Variants in ATP8B2 observed in about 807,000 individuals in gnomAD.
ATP8B2 encodes phospholipid-transporting ATPase ID.
ATP8B2 carries 70 observed loss-of-function variants against 133.4 expected under a neutral mutation model. That is an observed-to-expected ratio of 0.52 (90% CI 0.43 to 0.64). ATP8B2 has a LOEUF of 0.64. Among genes scored for constraint, ATP8B2 ranks in the 30% least tolerant of loss-of-function variants. ATP8B2 has a pLI of 0.00. For synonymous variants in ATP8B2, 517 were observed against 589.5 expected (o/e 0.88, Z 1.78); for missense variants, 1,101 against 1,535.7 (o/e 0.72, Z 4.73).
Position 154,340,916 on chromosome 1 carries a change from T to A in ATP8B2, c.1097T>A (p.Met366Lys), listed in dbSNP as rs1478443610. Residue 366 changes from methionine to lysine, a missense_variant, in exon 13 of 28, where the codon ATG becomes AAG. Transcript: ENST00000368489. The surrounding 1 kb of genome is among the most constrained non-coding windows in gnomAD (Gnocchi z 4.0). ...FINWDKKMFC[M>K]KKRTPAEART... ...AACTGGGATAAGAAGATGTTCTGCATGAAGAAGCGGACGCCTGCAGAAGCC... is the reference window on the plus strand; with the variant it reads ...AACTGGGATAAGAAGATGTTCTGCAAGAAGAAGCGGACGCCTGCAGAAGCC... The A allele has an allele frequency of 6.2e-7, 1 of 1,614,068 alleles. No individual in the cohort carries two copies. Among genetic ancestry groups the A allele is most frequent in the Admixed American group, 1.7e-5 (1 of 60,012 alleles).
chr1:154,333,108 G>A (rs753774855), intron 9 of ATP8B2, among the ~76,000 whole-genome samples: 1 of 152,112 alleles, frequency 6.6e-6, no homozygotes, highest in Non-Finnish European at 1.5e-5. Context: ...CCAGGAGTTC[G>A]AGACCAGTCT....
intron 14 of ATP8B2, 62 bp from the exon 15 acceptor site, chr1:154,342,734 C>T (rs1686428836): frequency 6.3e-7 from 1 of 1,576,382 alleles, no homozygotes; most frequent in Non-Finnish European, 8.7e-7. Context: ...CAGGGATGAA[C>T]CCTTCCCCGG....
At position 154,334,307 on chromosome 1, in the gene ATP8B2, T is replaced by G. The variant is rs1432344609; in HGVS notation, c.748+42T>G. On this transcript the variant is annotated intron_variant, in intron 10 of 27. Transcript: ENST00000368489. The surrounding 1 kb of genome is among the most constrained non-coding windows in gnomAD (Gnocchi z 4.6). Reference sequence around the variant, plus strand: ...CCAAAGAAAGAAGGGTAAGAGTGACTCAGCCAGCCCTCACTCAGGAGTATG... The same window carrying G: ...CCAAAGAAAGAAGGGTAAGAGTGACGCAGCCAGCCCTCACTCAGGAGTATG... 6.2e-7 allele frequency: 1 copy of G among 1,606,364 alleles called. No homozygotes were observed. Among genetic ancestry groups the G allele is most frequent in the Non-Finnish European group, 8.5e-7 (1 of 1,173,874 alleles).
At position 154,351,233 on chromosome 1, in the gene ATP8B2, T is replaced by C. The variant is rs1024236207; in HGVS notation, c.*2115T>C. 1 of 152,458 alleles carries C rather than the reference T, an allele frequency of 6.6e-6. No individual in the cohort carries two copies. The highest frequency in any genetic ancestry group is 2.4e-5 in the African/African-American group (1 of 41,410). The allele number at this position is 152,458 out of a possible 1,614,324, so 9.4% of individuals were successfully genotyped here. On this transcript the variant is annotated 3_prime_UTR_variant, in exon 28 of 28. Coordinates refer to ENST00000368489, the MANE Select transcript of ATP8B2 (RefSeq NM_001370597.1). Reference sequence around the variant, plus strand: ...AACATTATAATTTATGACACATTTCTATACTTGCAAAAATTATATCATTTT... The same window carrying C: ...AACATTATAATTTATGACACATTTCCATACTTGCAAAAATTATATCATTTT...
At chr1:154,347,938 CA>C (rs35998355) in intron 26 of ATP8B2, among the ~76,000 whole-genome samples, 63,807 of 101,316 alleles carry the variant, frequency 0.63, 17,214 homozygotes, top group East Asian at 0.7. Context: ...AACTCTGTCT[CA>C]AAAAAAAAAA....
chr1:154,328,033 A>G lies in ATP8B2; in HGVS notation c.-37-72A>G, dbSNP rs1570843337. 8 of 1,551,244 alleles carry G rather than the reference A, an allele frequency of 5.2e-6. No homozygotes were observed. In the East Asian group the frequency reaches 6.7e-5, roughly 13 times the overall value. ...TCAGAGCTGGAGAAGAGGGTCTTCA[A>G]AAGAGGTCTCATGAGGGGAGGGAAG... On this transcript the variant is annotated intron_variant, in intron 1 of 27. Transcript: ENST00000368489. The surrounding 1 kb of genome is among the most constrained non-coding windows in gnomAD (Gnocchi z 4.6).
Position 154,344,160 on chromosome 1 carries a change from C to T in ATP8B2, c.1941C>T (p.Ala647=). The T allele has an allele frequency of 6.2e-7, 1 of 1,614,210 alleles. No individual in the cohort carries two copies. The highest frequency in any genetic ancestry group is 1.7e-5 in the Admixed American group (1 of 60,026). Residue 647 remains alanine (A), a synonymous_variant, in exon 19 of 28, where the codon GCC becomes GCT. Transcript: ENST00000368489. The surrounding 1 kb of genome is among the most constrained non-coding windows in gnomAD (Gnocchi z 4.1). The part of the protein sequence containing the change: ...ENNMMLLGAT[A]IEDKLQQGVP... Reference sequence around the variant, plus strand: ...ATTTTCAGCTGCTGGGTGCAACGGCCATTGAGGACAAACTTCAGCAAGGGG... The same window carrying T: ...ATTTTCAGCTGCTGGGTGCAACGGCTATTGAGGACAAACTTCAGCAAGGGG...
In ATP8B2 at chr1:154,346,354, A is replaced by T. The variant is rs1686584010; in HGVS notation, c.2902A>T (p.Met968Leu). Reference protein sequence around the residue: ...IAQGIYTSVLMFFIPYGVFAD... With the variant: ...IAQGIYTSVLLFFIPYGVFAD... ...CCAGGGCATCTACACCTCCGTGCTC[A>T]TGTTCTTCATTCCCTATGGGGTGTT... The change falls in exon 25 of 28, where the codon ATG becomes TTG. Residue 968 changes from methionine to leucine, a missense_variant. Transcript: ENST00000368489. The surrounding 1 kb of genome is among the most constrained non-coding windows in gnomAD (Gnocchi z 4.5). The T allele has an allele frequency of 6.2e-7, 1 of 1,614,026 alleles. No homozygotes were observed. Among genetic ancestry groups the T allele is most frequent in the Non-Finnish European group, 8.5e-7 (1 of 1,180,038 alleles).
rs1686742505 is a variant in ATP8B2, at chr1:154,350,297, C to T, written c.*1179C>T. 6.6e-6 allele frequency: 1 copy of T among 152,150 alleles called. No individual in the cohort carries two copies. Among genetic ancestry groups the T allele is most frequent in the Non-Finnish European group, 1.5e-5 (1 of 68,054 alleles). The allele number at this position is 152,150 out of a possible 1,614,324, so 9.4% of individuals were successfully genotyped here. On this transcript the variant is annotated 3_prime_UTR_variant, in exon 28 of 28. Transcript: ENST00000368489. ...TGTTGGCCAGGCTAGTCTTGAATTC[C>T]TGACCTCCTGACCTGCCCACCTCAA... is the stretch of plus-strand genomic sequence containing the variant.
In ATP8B2 at chr1:154,331,519, G is replaced by C. The variant is rs1456481795; in HGVS notation, c.365+14G>C. 1 of 1,614,018 alleles carries C rather than the reference G, an allele frequency of 6.2e-7. No individual in the cohort carries two copies. The highest frequency in any genetic ancestry group is 8.5e-7 in the Non-Finnish European group (1 of 1,179,900). Reference sequence around the variant, plus strand: ...GATCAATGGAATGTGAGTGCCTGTTGGAGACAAGAGCTCTGGGGACGAAGG... The same window carrying C: ...GATCAATGGAATGTGAGTGCCTGTTCGAGACAAGAGCTCTGGGGACGAAGG... On this transcript the variant is annotated intron_variant, in intron 6 of 27. Transcript: ENST00000368489. The surrounding 1 kb of genome is among the most constrained non-coding windows in gnomAD (Gnocchi z 4.8).
rs1686562269 is a variant in ATP8B2 at position 154,345,786 on chromosome 1, CT to C, written c.2695-13del. The stretch of plus-strand genomic sequence containing the variant: ...GAAAGGTTGCATGCTCCCTTGCTCC[CT>C]GTTCTCTTCCAGACCGTCTATGACC... On this transcript the variant is annotated splice_polypyrimidine_tract_variant and intron_variant, in intron 23 of 27. Coordinates refer to ENST00000368489, the MANE Select transcript of ATP8B2 (RefSeq NM_001370597.1). This position sits in a 1 kb window ranked among gnomAD's most constrained non-coding sequence, Gnocchi z 5.6. 1 of 1,600,970 alleles carries C rather than the reference CT, an allele frequency of 6.2e-7. No homozygotes were observed. Among genetic ancestry groups the C allele is most frequent in the Non-Finnish European group, 8.6e-7 (1 of 1,168,102 alleles).
At position 154,340,774 on chromosome 1, in the gene ATP8B2, GGGCCTGCAGCGAA is replaced by G. The variant is rs1406277226; in HGVS notation, c.1035-75_1035-63del. The G allele has an allele frequency of 3.0e-6, 4 of 1,337,550 alleles. No individual in the cohort carries two copies. The highest frequency in any genetic ancestry group is 4.3e-6 in the Non-Finnish European group (4 of 937,240). 82.9% of individuals were successfully genotyped at this position (1,337,550 alleles called of 1,614,324 possible). ...CCGTTCTTGTCTCTCCCCAGGCGGA[GGGCCTGCAGCGAA>G]GGCCCATGTGGGTGGGGCACCTCCT... On this transcript the variant is annotated intron_variant, in intron 12 of 27. Coordinates refer to ENST00000368489, the MANE Select transcript of ATP8B2 (RefSeq NM_001370597.1). The surrounding 1 kb of genome is among the most constrained non-coding windows in gnomAD (Gnocchi z 4.0).
At chr1:154,327,706 C>A in intron 1 of ATP8B2, 1 of 1,277,808 alleles carries the variant, frequency 7.8e-7, no homozygotes, top group Non-Finnish European at 1.1e-6. Context: ...GGCTCATGTT[C>A]CCTCCACCCC....
intron 3 of ATP8B2, 83 bp downstream of exon 3, chr1:154,330,537 G>A: frequency 6.9e-7 from 1 of 1,457,600 alleles, no homozygotes; most frequent in Non-Finnish European, 9.5e-7. Context: ...GGGACTGAGG[G>A]CTGCCTGGGA....
rs757568277 is a variant in ATP8B2 at position 154,328,199 on chromosome 1, C to T, written c.31+27C>T. The T allele has an allele frequency of 1.5e-5, 24 of 1,600,946 alleles. 1 individual carries two copies. The East Asian group carries it at 1.8e-4, about 12-fold the overall frequency. On this transcript the variant is annotated intron_variant, in intron 2 of 27. Transcript: ENST00000368489. The surrounding 1 kb of genome is among the most constrained non-coding windows in gnomAD (Gnocchi z 4.6). ...TAAGACAGGCAAGGAGGGGAGATCCCGGGAACCATCAAGAGTGGGTGTTGT... is the reference window on the plus strand; with the variant it reads ...TAAGACAGGCAAGGAGGGGAGATCCTGGGAACCATCAAGAGTGGGTGTTGT...
At chr1:154,337,658 G>T (rs758941545) in intron 12 of ATP8B2, 114 bp downstream of exon 12, 2 of 1,608,268 alleles carry the variant, frequency 1.2e-6, no homozygotes, top group African/African-American at 1.3e-5. Context: ...TCTTCTTCCT[G>T]TACTGTAAAC....
At chr1:154,327,490 A>C (rs1320590349) in intron 1 of ATP8B2, among the ~76,000 whole-genome samples, 1 of 152,148 alleles carries the variant, frequency 6.6e-6, no homozygotes, top group Non-Finnish European at 1.5e-5. Context: ...CCAGCCCAGA[A>C]GGGTGGCTGA....
rs145987149 is a variant in ATP8B2 at position 154,329,882 on chromosome 1, T to C, written c.32-514T>C. The stretch of plus-strand genomic sequence containing the variant: ...CTGTAGGGGGGACTGCACATGGGGC[T>C]GGGATGCTCCCGCAGAGCAGCTCCA... On this transcript the variant is annotated intron_variant, in intron 2 of 27. Coordinates refer to ENST00000368489, the MANE Select transcript of ATP8B2 (RefSeq NM_001370597.1). 2.6e-4 allele frequency among the ~76,000 whole-genome samples: 39 copies of C among 152,242 alleles called. No individual in the cohort carries two copies. In the East Asian group the frequency reaches 7.0e-3, roughly 27 times the overall value.
At chr1:154,335,263 G>A (rs1337945682) in intron 11 of ATP8B2, among the ~76,000 whole-genome samples, 1 of 152,154 alleles carries the variant, frequency 6.6e-6, no homozygotes, top group African/African-American at 2.4e-5. Context: ...GTGGCCATTG[G>A]GCACCAATCT....
Sources: gnomAD v4.1 joint callset for allele counts (sites outside exome capture counted in the v4.1 genomes callset) on GRCh38, gnomAD v4.1.1 for gene constraint, Gnocchi (gnomAD v3.1) non-coding constraint, MANE v1.5 for transcripts, NCBI Gene and HGNC (gene_info 2026-07-23, HGNC 2026-07-21) for gene names.